ITPR1: variants seen among roughly 807,000 people sequenced by gnomAD.
ITPR1 encodes the protein inositol 1,4,5-trisphosphate-gated calcium channel ITPR1.
A neutral mutation model predicts 318.4 loss-of-function variants in ITPR1; 96 were observed. The observed-to-expected ratio is 0.30, with a 90% confidence interval of 0.26 to 0.36. The LOEUF (loss-of-function observed/expected upper bound fraction) is 0.36. Among genes scored for constraint, ITPR1 ranks in the 10% least tolerant of loss-of-function variants. The pLI, the probability that ITPR1 is intolerant of heterozygous loss-of-function variation, is 1.00. For synonymous variants in ITPR1, 1,312 were observed against 1,289.9 expected, an observed-to-expected ratio of 1.02 and a Z score of -0.37; for missense variants, 2,440 against 3,460.2, an observed-to-expected ratio of 0.71 and a Z score of 7.40.
Position 4,543,312 on chromosome 3 carries a change from T to G in ITPR1, c.163+22218T>G, listed in dbSNP as rs111557550. 2.7e-3 allele frequency among the ~76,000 whole-genome samples: 403 copies of G among 152,028 alleles called. 1 individual carries two copies. The highest frequency in any genetic ancestry group is 9.0e-3 in the African/African-American group (372 of 41,492). On this transcript the variant is annotated intron_variant, in intron 4 of 61. Coordinates refer to ENST00000649015, the MANE Select transcript of ITPR1 (RefSeq NM_001378452.1). ...AAAAAGCAATTCTAGATAAGGAACT[T>G]TGTGGTTGAGTTTGGGTCAGATTTC...
Position 4,669,790 on chromosome 3 carries a change from G to T in ITPR1, c.2006+17G>T, listed in dbSNP as rs762943697. The T allele has an allele frequency of 1.9e-6, 3 of 1,596,394 alleles. No individual in the cohort carries two copies. Among genetic ancestry groups the T allele is most frequent in the Non-Finnish European group, 2.6e-6 (3 of 1,169,760 alleles). ...TGAGACCAAGTGAGTGGGGAGCCAG[G>T]GTTTAGATGGAAAACATGGGGTTCA... On this transcript the variant is annotated intron_variant, in intron 19 of 61. Transcript: ENST00000649015.
In ITPR1 at chr3:4,693,746, G is replaced by A. The variant is rs1242224712; in HGVS notation, c.4281+5G>A. 6.2e-7 allele frequency: 1 copy of A among 1,607,718 alleles called. No homozygotes were observed. The highest frequency in any genetic ancestry group is 1.3e-5 in the African/African-American group (1 of 74,782). On this transcript the variant is annotated splice_donor_5th_base_variant and intron_variant, in intron 33 of 61. Transcript: ENST00000649015. ...CACGAGGACTGCATCCCTGAGGTGAGCGAGCCCAGCCTGGCTGTGCCCTTC... is the reference window on the plus strand; with the variant it reads ...CACGAGGACTGCATCCCTGAGGTGAACGAGCCCAGCCTGGCTGTGCCCTTC...
intron 10 of ITPR1, among the ~76,000 whole-genome samples, chr3:4,648,855 C>G (rs190291660): frequency 1.4e-3 from 215 of 152,294 alleles, no homozygotes; most frequent in Non-Finnish European, 2.5e-3. Flanking sequence ...TATGCTTACT[C>G]TAAATTTGCA....
rs370894156 is a variant in ITPR1, at chr3:4,699,356, C to CAA, written c.4408-454_4408-453dup. Among the ~76,000 whole-genome samples the CAA allele has an allele frequency of 1.5e-3, 180 of 121,058 alleles. 1 individual carries two copies. Among genetic ancestry groups the CAA allele is most frequent in the Middle Eastern group, 0.012 (3 of 258 alleles). The allele number at this position is 121,058 out of a possible 152,430, so 79.4% of individuals were successfully genotyped here. The stretch of plus-strand genomic sequence containing the variant: ...TGGGTGACAGCGTGAGACTCTATCT[C>CAA]AAAACAAAAAAAGGATTGGAGACGG... On this transcript the variant is annotated intron_variant, in intron 34 of 61. Transcript: ENST00000649015.
intron 30 of ITPR1, 85 bp from the exon 31 acceptor site, chr3:4,688,410 C>T: frequency 1.3e-6 from 2 of 1,539,328 alleles, no homozygotes; most frequent in African/African-American, 2.7e-5. Flanking sequence ...CTTCTGACTC[C>T]CACGTTAGCA....
chr3:4,767,601 G>A (rs754548168), intron 45 of ITPR1, among the ~76,000 whole-genome samples: 8 of 152,216 alleles, frequency 5.3e-5, no homozygotes, highest in African/African-American at 9.6e-5. Context: ...TCACTGCAAC[G>A]TCCAACTCCT....
intron 60 of ITPR1, among the ~76,000 whole-genome samples, chr3:4,819,452 C>T (rs963973257): frequency 3.3e-5 from 5 of 152,176 alleles, no homozygotes; most frequent in Admixed American, 2.6e-4. Flanking sequence ...TCTGCATTTC[C>T]AACAACCTTC....
In ITPR1 at chr3:4,815,228, G is replaced by A. The variant is rs1021410102; in HGVS notation, c.7867+10G>A. 31 of 1,612,760 alleles carry A rather than the reference G, an allele frequency of 1.9e-5. No homozygotes were observed. The highest frequency in any genetic ancestry group is 2.5e-5 in the Non-Finnish European group (29 of 1,179,182). ...ACGTGCTTTATCTGTGGTGAGTGTC[G>A]CTGGCCAGCTCCAGCAAGGGCGTGA... On this transcript the variant is annotated intron_variant, in intron 59 of 61. Coordinates refer to ENST00000649015, the MANE Select transcript of ITPR1 (RefSeq NM_001378452.1).
chr3:4,610,534 A>C (rs2092006111), intron 4 of ITPR1, among the ~76,000 whole-genome samples: 1 of 152,038 alleles, frequency 6.6e-6, no homozygotes, highest in African/African-American at 2.4e-5. Flanking sequence ...CCTTTTGTAG[A>C]TGTGGCATAT....
chr3:4,795,921 C>T (rs1434745600), intron 53 of ITPR1, among the ~76,000 whole-genome samples: 1 of 152,164 alleles, frequency 6.6e-6, no homozygotes, highest in African/African-American at 2.4e-5. Context: ...CTGACATCCA[C>T]AGCAGCCACC....
rs368994463 is a variant in ITPR1, at chr3:4,796,266, G to A, written c.6931+1079G>A. On this transcript the variant is annotated intron_variant, in intron 53 of 61. Transcript: ENST00000649015. Reference sequence around the variant, plus strand: ...GGCACCATCTGAATGCCCCCGCTCCGAAAAGTACAATCTAAACACAAGTCC... The same window carrying A: ...GGCACCATCTGAATGCCCCCGCTCCAAAAAGTACAATCTAAACACAAGTCC... Among the ~76,000 whole-genome samples, 26 of 150,734 alleles carry A rather than the reference G, an allele frequency of 1.7e-4. 1 individual carries two copies. The South Asian group carries it at 4.7e-3, about 27-fold the overall frequency.
intron 51 of ITPR1, among the ~76,000 whole-genome samples, chr3:4,784,657 G>C (rs2047058921): frequency 6.8e-6 from 1 of 147,306 alleles, no homozygotes; most frequent in Non-Finnish European, 1.5e-5. Context: ...GAGGCAGGTA[G>C]ATCACTTGAG....
intron 33 of ITPR1, among the ~76,000 whole-genome samples, chr3:4,695,438 A>G (rs2094542443): frequency 1.3e-5 from 2 of 152,152 alleles, no homozygotes; most frequent in African/African-American, 4.8e-5. Context: ...AAAGTACATA[A>G]ACTCAGTTGT....
chr3:4,829,610 C>A lies in ITPR1; in HGVS notation c.8029-7164C>A, dbSNP rs552212161. ...GAGTTCTCATACATGCCCTTCTCCT[C>A]CTGACTTCCTGCCAGTTTCCTCTGT... On this transcript the variant is annotated intron_variant, in intron 60 of 61. Transcript: ENST00000649015. Among the ~76,000 whole-genome samples, 28 of 152,304 alleles carry A rather than the reference C, an allele frequency of 1.8e-4. No homozygotes were observed. In the South Asian group the frequency reaches 5.8e-3, roughly 32 times the overall value.
intron 41 of ITPR1, among the ~76,000 whole-genome samples, chr3:4,726,380 A>G (rs1349230002): frequency 1.3e-5 from 2 of 152,172 alleles, no homozygotes; most frequent in Admixed American, 6.5e-5. Context: ...GCTGCTAACT[A>G]AACTCACTAA....
rs550420752 is a variant in ITPR1 at position 4,657,081 on chromosome 3, G to A, written c.997-1043G>A. Among the ~76,000 whole-genome samples, 62 of 152,330 alleles carry A rather than the reference G, an allele frequency of 4.1e-4. 1 individual carries two copies. The highest frequency in any genetic ancestry group is 1.5e-3 in the African/African-American group (61 of 41,576). On this transcript the variant is annotated intron_variant, in intron 12 of 61. Transcript: ENST00000649015. ...TTTCTTCGCTCTCAGCCAAATCCCT[G>A]ATGTCTCAGGAGAGGCCCGTCTTCC...
chr3:4,560,815 G>A (rs1483230976), intron 4 of ITPR1, among the ~76,000 whole-genome samples: 1 of 152,196 alleles, frequency 6.6e-6, no homozygotes, highest in South Asian at 2.1e-4. Context: ...TTATTATAAC[G>A]TAACTGAGTG....
At chr3:4,786,805 C>G (rs1455971143) in intron 51 of ITPR1, among the ~76,000 whole-genome samples, 1 of 152,176 alleles carries the variant, frequency 6.6e-6, no homozygotes, top group Non-Finnish European at 1.5e-5. Flanking sequence ...AGTGCTGCCC[C>G]AGAGTTAAAT....
At chr3:4,502,314 G>A (rs1366112366) in intron 2 of ITPR1, among the ~76,000 whole-genome samples, 1 of 152,110 alleles carries the variant, frequency 6.6e-6, no homozygotes, top group Non-Finnish European at 1.5e-5. Flanking sequence ...TTCCTTTTGG[G>A]CCTTTTGTGT....
Sources: allele counts gnomAD v4.1 joint callset (sites outside exome capture counted in the v4.1 genomes callset), GRCh38; gene constraint gnomAD v4.1.1; transcripts MANE v1.5; gene names NCBI Gene and HGNC (gene_info 2026-07-23, HGNC 2026-07-21).